PALD1: variants seen among roughly 807,000 people sequenced by gnomAD.
PALD1 encodes phosphatase domain containing paladin 1, also known as paladin.
Under a neutral mutation model 96.0 loss-of-function variants are expected in PALD1, and 57 were observed. The observed-to-expected ratio is 0.59, with a 90% CI of 0.48 to 0.74. The LOEUF (loss-of-function observed/expected upper bound fraction) is 0.74, where lower values mean the gene tolerates loss of function less well. Ranked by LOEUF, PALD1 falls within the 30% of genes least tolerant of loss-of-function variation. The pLI, the probability that PALD1 is intolerant of heterozygous loss-of-function variation, is 0.00. For missense variants in PALD1, 1,063 were observed against 1,143.7 expected (o/e 0.93, Z 1.02); for synonymous variants, 464 against 473.6 (o/e 0.98, Z 0.26).
chr10:70,491,315 T>G (rs111366482), intron 1 of PALD1, among the ~76,000 whole-genome samples: 2,115 of 152,306 alleles, frequency 0.014, 38 homozygotes, highest in African/African-American at 0.025. Context: ...ACAGATGCTG[T>G]CAACATGCAC....
At chr10:70,555,113 A>T (rs1443719215) in intron 18 of PALD1, among the ~76,000 whole-genome samples, 1 of 146,156 alleles carries the variant, frequency 6.8e-6, no homozygotes, top group East Asian at 2.0e-4. Flanking sequence ...CTGGGATTAC[A>T]GGTGCCTGCC....
chr10:70,465,943 T>C, the PALD1 span, among the ~76,000 whole-genome samples: 4 of 152,190 alleles, frequency 2.6e-5, no homozygotes, highest in African/African-American at 9.6e-5. Flanking sequence ...CTGGCTCCTT[T>C]TAGCTCTGCT....
upstream of PALD1, among the ~76,000 whole-genome samples, chr10:70,475,384 G>A (rs753793096): frequency 4.3e-4 from 66 of 152,168 alleles, no homozygotes; most frequent in Non-Finnish European, 8.4e-4. Context: ...GTTTGCCTGA[G>A]GCTCAGAGAC....
the PALD1 span, among the ~76,000 whole-genome samples, chr10:70,473,599 A>G: frequency 2.0e-5 from 3 of 152,182 alleles, no homozygotes; most frequent in East Asian, 5.8e-4. Flanking sequence ...CTCAGGGGAT[A>G]GAACAGTCTT....
At chr10:70,560,154 G>A (rs932904381) in intron 18 of PALD1, among the ~76,000 whole-genome samples, 6 of 152,230 alleles carry the variant, frequency 3.9e-5, no homozygotes, top group Admixed American at 6.5e-5. Flanking sequence ...AGGAGGCTAA[G>A]AAGGGCAGGG....
At chr10:70,469,147 C>A in the PALD1 span, among the ~76,000 whole-genome samples, 1 of 152,194 alleles carries the variant, frequency 6.6e-6, no homozygotes, top group Non-Finnish European at 1.5e-5. Flanking sequence ...TCACCCCAGG[C>A]TGGCAGGCGG....
At chr10:70,542,925 C>G (rs146997943) in intron 17 of PALD1, among the ~76,000 whole-genome samples, 232 of 152,196 alleles carry the variant, frequency 1.5e-3, no homozygotes, top group African/African-American at 5.3e-3. Flanking sequence ...ACATCCTCAC[C>G]AACACTTGAT....
intron 1 of PALD1, among the ~76,000 whole-genome samples, 154 bp downstream of exon 1, chr10:70,479,213 C>T (rs1845886088): frequency 1.3e-5 from 2 of 152,174 alleles, no homozygotes; most frequent in Admixed American, 6.5e-5. Flanking sequence ...CAGGATTGGT[C>T]CCTGGGAGGC....
At chr10:70,469,328 C>T in the PALD1 span, among the ~76,000 whole-genome samples, 3 of 152,142 alleles carry the variant, frequency 2.0e-5, no homozygotes, top group Admixed American at 1.3e-4. Context: ...GGGAGTCTGT[C>T]GTGTAACCCC....
At position 70,506,078 on chromosome 10, in the gene PALD1, G is replaced by A. The variant is rs112344208; in HGVS notation, c.-29-19845G>A. Reference sequence around the variant, plus strand: ...GCTGGGTCAGCTCCAACTCTGACGAGCTCTGTGTCATTCTTGGGCCTTACA... The same window carrying A: ...GCTGGGTCAGCTCCAACTCTGACGAACTCTGTGTCATTCTTGGGCCTTACA... On this transcript the variant is annotated intron_variant, in intron 1 of 19. Transcript: ENST00000263563. Among the ~76,000 whole-genome samples the A allele has an allele frequency of 8.5e-3, 1,291 of 152,216 alleles. 18 individuals carry two copies. Among genetic ancestry groups the A allele is most frequent in the African/African-American group, 0.029 (1,216 of 41,524 alleles).
intron 1 of PALD1, among the ~76,000 whole-genome samples, chr10:70,500,934 T>C (rs944380249): frequency 2.6e-5 from 4 of 152,102 alleles, no homozygotes; most frequent in African/African-American, 4.8e-5. Context: ...CTGCAGTAAA[T>C]CCTGTTTCCT....
intron 1 of PALD1, among the ~76,000 whole-genome samples, chr10:70,496,883 C>T (rs1846203864): frequency 6.6e-6 from 1 of 152,154 alleles, no homozygotes; most frequent in Non-Finnish European, 1.5e-5. Context: ...CATGATAACT[C>T]AATTAGCCTG....
At chr10:70,484,375 A>T (rs1457239319) in intron 1 of PALD1, among the ~76,000 whole-genome samples, 2 of 152,224 alleles carry the variant, frequency 1.3e-5, no homozygotes, top group African/African-American at 4.8e-5. Context: ...CTAATATTTG[A>T]TACTACATGA....
At chr10:70,472,781 G>A in the PALD1 span, among the ~76,000 whole-genome samples, 17 of 152,208 alleles carry the variant, frequency 1.1e-4, no homozygotes, top group Middle Eastern at 3.4e-3. Context: ...TGCATGCCCC[G>A]GGGGCTCTGT....
At chr10:70,468,702 CTGTGTGTGTGTGTGTGTGTGTGTGTGTG>C in the PALD1 span, among the ~76,000 whole-genome samples, 1 of 123,804 alleles carries the variant, frequency 8.1e-6, no homozygotes, top group Non-Finnish European at 1.7e-5. Context: ...TGAGGCAGGA[CTGTGTGTGTGTGTGTGTGTGTGTGTGTG>C]TGTGTGTGTG....
At chr10:70,545,904 A>C (rs1270725522) in intron 17 of PALD1, among the ~76,000 whole-genome samples, 2 of 152,120 alleles carry the variant, frequency 1.3e-5, no homozygotes, top group African/African-American at 2.4e-5. Flanking sequence ...AAAGTTCTGC[A>C]TGAGGCCTCA....
At position 70,534,759 on chromosome 10, in the gene PALD1, C is replaced by T. The variant is rs181711771; in HGVS notation, c.1143C>T (p.Ala381=). 52 of 1,610,794 alleles carry T rather than the reference C, an allele frequency of 3.2e-5. No individual in the cohort carries two copies. In the African/African-American group the frequency reaches 5.6e-4, roughly 17 times the overall value. The part of the protein sequence containing the change: ...MVEEVDRAIT[A]CAELHDLKEV... The stretch of plus-strand genomic sequence containing the variant: ...ACCAGGTGGACAGAGCCATCACTGC[C>T]TGTGCCGAGTTGCATGACCTGAAAG... Residue 381 remains alanine, a synonymous_variant, in exon 10 of 20, where the codon GCC becomes GCT. Coordinates refer to ENST00000263563, the MANE Select transcript of PALD1 (RefSeq NM_014431.3).
At chr10:70,472,731 T>G in the PALD1 span, among the ~76,000 whole-genome samples, 3 of 152,032 alleles carry the variant, frequency 2.0e-5, no homozygotes, top group Non-Finnish European at 4.4e-5. Flanking sequence ...GAAGGCCACT[T>G]GGAGCACCTT....
chr10:70,555,153 T>G (rs1847577859), intron 18 of PALD1, among the ~76,000 whole-genome samples: 1 of 149,106 alleles, frequency 6.7e-6, no homozygotes, highest in African/African-American at 2.5e-5. Flanking sequence ...TTTTGTATTT[T>G]TACTAGAGCC....
Sources: allele counts gnomAD v4.1 joint callset (sites outside exome capture counted in the v4.1 genomes callset), GRCh38; gene constraint gnomAD v4.1.1; transcripts MANE v1.5; gene names NCBI Gene and HGNC (gene_info 2026-07-23, HGNC 2026-07-21).